The following RELB variants were observed in gnomAD, a reference collection of about 807,000 sequenced individuals.
RELB encodes transcription factor RelB.
In RELB, 14 loss-of-function variants were observed where a neutral mutation model predicts 55.4. The ratio of observed to expected loss-of-function variants is 0.25; its 90% confidence interval spans 0.17 to 0.40. The LOEUF is 0.40. RELB is among the 10% of genes least tolerant of loss of function. RELB has a pLI of 1.00. For synonymous variants in RELB, 409 were observed against 371.3 expected (o/e 1.10, Z -1.17); for missense variants, 669 against 830.7 (o/e 0.81, Z 2.39).
At chr19:45,009,361 G>A (rs574173073) in intron 2 of RELB, among the ~76,000 whole-genome samples, 4 of 152,238 alleles carry the variant, frequency 2.6e-5, no homozygotes, top group East Asian at 1.9e-4. Flanking sequence ...GATTACAGGC[G>A]TGAGCCACCA....
At chr19:45,031,661 C>T (rs1051001336) in intron 8 of RELB, among the ~76,000 whole-genome samples, 2 of 151,618 alleles carry the variant, frequency 1.3e-5, no homozygotes, top group African/African-American at 4.8e-5. Flanking sequence ...CTGCAAGCTC[C>T]GCCTCCCGGG....
At chr19:45,009,870 C>G in intron 3 of RELB, 48 bp downstream of exon 3, 1 of 1,580,016 alleles carries the variant, frequency 6.3e-7, no homozygotes. Flanking sequence ...GACCCAAGTG[C>G]CTACAGAAGG....
intron 4 of RELB, among the ~76,000 whole-genome samples, chr19:45,015,621 G>A (rs775051658): frequency 6.6e-6 from 1 of 151,884 alleles, no homozygotes; most frequent in Non-Finnish European, 1.5e-5. Flanking sequence ...TGGGGTCCCA[G>A]CACCATGGGA....
intron 4 of RELB, among the ~76,000 whole-genome samples, chr19:45,020,477 G>C (rs1971470263): frequency 6.7e-6 from 1 of 149,972 alleles, no homozygotes; most frequent in African/African-American, 2.5e-5. Context: ...ACCTCCCAAA[G>C]TACTGGGATT....
rs747712780 is a variant in RELB at position 45,001,677 on chromosome 19, G to A, written c.98G>A (p.Gly33Glu). 5 of 1,522,346 alleles carry A rather than the reference G, an allele frequency of 3.3e-6. No individual in the cohort carries two copies. The South Asian group carries it at 6.1e-5, about 18-fold the overall frequency. 94.3% of individuals were successfully genotyped at this position (1,522,346 alleles called of 1,614,324 possible). Residue 33 changes from glycine to glutamate, a missense_variant, in exon 1 of 12, where the codon GGG (glycine) becomes GAG (glutamate). This residue lies in a region of RELB where 323 missense variants were observed against 368.5 expected (regional missense o/e 0.88). Transcript: ENST00000221452. ...VARPPAAPEL[G>E]ALGSPDLSSL... Reference sequence around the variant, plus strand: ...AGACCGCCGGCTGCGCCGGAGCTGGGGGCCTTAGGTAAGCGGGGCTGGGGT... The same window carrying A: ...AGACCGCCGGCTGCGCCGGAGCTGGAGGCCTTAGGTAAGCGGGGCTGGGGT...
chr19:45,037,313 C>A, intron 11 of RELB, 92 bp from the exon 12 acceptor site: 9 of 1,275,890 alleles, frequency 7.1e-6, no homozygotes, highest in South Asian at 1.6e-5. Flanking sequence ...ACCTTGATAT[C>A]ACATTTTGCA....
chr19:45,011,851 A>G (rs1971361816), intron 3 of RELB, 85 bp from the exon 4 acceptor site: 3 of 699,678 alleles, frequency 4.3e-6, no homozygotes, highest in African/African-American at 2.4e-5. Flanking sequence ...GGGATGGAAA[A>G]CGTCTCGGGG....
At chr19:45,004,401 T>C (rs1016223356) in intron 2 of RELB, among the ~76,000 whole-genome samples, 2 of 149,228 alleles carry the variant, frequency 1.3e-5, no homozygotes, top group African/African-American at 4.9e-5. Context: ...TTTTTGTATT[T>C]TTAGTAGAGA....
chr19:45,003,567 T>C (rs34127526), intron 2 of RELB: 8,744 of 516,612 alleles, frequency 0.017, 587 homozygotes, highest in African/African-American at 0.15. Flanking sequence ...TGTGGCTTAG[T>C]AGAAGGTAAT....
chr19:45,020,626 T>C (rs11879248), intron 4 of RELB, among the ~76,000 whole-genome samples: 101,975 of 147,932 alleles, frequency 0.69, 35,493 homozygotes, highest in East Asian at 0.81. Flanking sequence ...GGCGCGATCT[T>C]GGCTCACTGC....
At chr19:45,033,482 C>T (rs981608748) in intron 9 of RELB, among the ~76,000 whole-genome samples, 1 of 151,402 alleles carries the variant, frequency 6.6e-6, no homozygotes, top group Non-Finnish European at 1.5e-5. Context: ...GTTAGGAGTT[C>T]GAGACCAGCC....
chr19:45,031,976 A>C (rs935758865), intron 8 of RELB, among the ~76,000 whole-genome samples: 2 of 151,588 alleles, frequency 1.3e-5, no homozygotes, highest in Non-Finnish European at 2.9e-5. Flanking sequence ...GGTGGCTTAC[A>C]TCTGTAATCC....
rs1395029670 is a variant in RELB at position 45,025,358 on chromosome 19, G to A, written c.692G>A (p.Arg231Lys). ...SFNNLGIQCV[R>K]KKEIEAAIER... Reference sequence around the variant, plus strand: ...AACAACCTGGGCATCCAGTGTGTGAGGAAGAAGGAGATTGAGGCTGCCATT... The same window carrying A: ...AACAACCTGGGCATCCAGTGTGTGAAGAAGAAGGAGATTGAGGCTGCCATT... Residue 231 changes from arginine (R) to lysine (K), a missense_variant, in exon 6 of 12, where the codon AGG (arginine) becomes AAG (lysine). By Grantham distance (26) the Arg-to-Lys change is conservative. Transcript: ENST00000221452. 1.2e-6 allele frequency: 2 copies of A among 1,612,690 alleles called. No homozygotes were observed.
intron 1 of RELB, 81 bp downstream of exon 1, chr19:45,001,766 G>C (rs1451402298): frequency 1.1e-6 from 1 of 928,512 alleles, no homozygotes; most frequent in East Asian, 3.1e-5. Context: ...GAGTAGTCTG[G>C]GGGTTCCTAT....
intron 4 of RELB, among the ~76,000 whole-genome samples, chr19:45,016,236 C>T (rs1372283571): frequency 2.6e-5 from 4 of 152,148 alleles, no homozygotes; most frequent in African/African-American, 9.7e-5. Flanking sequence ...CTGCCTGCCT[C>T]AGCCTCCCAC....
At chr19:45,009,095 GT>G (rs1971317879) in intron 2 of RELB, among the ~76,000 whole-genome samples, 3 of 152,026 alleles carry the variant, frequency 2.0e-5, no homozygotes, top group Non-Finnish European at 4.4e-5. Flanking sequence ...GTTGTTGTTT[GT>G]TTTTGAGACA....
In RELB at chr19:45,011,756, CTG is replaced by C. The variant is rs199579874; in HGVS notation, c.164-139_164-138del. Among the ~76,000 whole-genome samples, 41 of 59,912 alleles carry C rather than the reference CTG, an allele frequency of 6.8e-4. No homozygotes were observed. The South Asian group carries it at 0.016, about 23-fold the overall frequency. 39.3% of individuals were successfully genotyped at this position (59,912 alleles called of 152,430 possible). On this transcript the variant is annotated intron_variant, in intron 3 of 11. Transcript: ENST00000221452. ...GCCACCGCACCTGGCCTCCCTGACT[CTG>C]TGTGTGTGTGTGTGTGTGTGTGTGT...
chr19:45,022,396 A>G (rs950048691), intron 5 of RELB, among the ~76,000 whole-genome samples, 186 bp downstream of exon 5: 19 of 152,114 alleles, frequency 1.2e-4, no homozygotes, highest in African/African-American at 4.6e-4. Flanking sequence ...TGCCACACAC[A>G]TATTCACATA....
intron 4 of RELB, among the ~76,000 whole-genome samples, chr19:45,013,955 TC>T (rs1192410751): frequency 6.6e-6 from 1 of 152,218 alleles, no homozygotes; most frequent in African/African-American, 2.4e-5. Context: ...TGTGGCCTTC[TC>T]AGTGTCTCAC....
Sources: allele counts gnomAD v4.1 joint callset (sites outside exome capture counted in the v4.1 genomes callset), GRCh38; gene constraint gnomAD v4.1.1; regional missense constraint gnomAD v4.1.1; transcripts MANE v1.5; gene names NCBI Gene and HGNC (gene_info 2026-07-23, HGNC 2026-07-21).